The following TMTC2 variants were observed in gnomAD, a reference collection of about 807,000 sequenced individuals.
The protein encoded by TMTC2 is transmembrane O-mannosyltransferase targeting cadherins 2.
TMTC2 carries 43 observed loss-of-function variants against 82.4 expected under a neutral mutation model. The observed-to-expected ratio is 0.52, with a 90% confidence interval of 0.41 to 0.67. The LOEUF (loss-of-function observed/expected upper bound fraction) is 0.67. Among genes scored for constraint, TMTC2 ranks in the 30% least tolerant of loss-of-function variants. The probability of loss-of-function intolerance (pLI) is 0.00; values close to 1 mark genes in which losing one functional copy is unlikely to be tolerated. For missense variants in TMTC2, 919 were observed against 1,012.4 expected (o/e 0.91, Z 1.25); for synonymous variants, 408 against 381.9 (o/e 1.07, Z -0.80).
At chr12:83,100,750 T>A (rs1053072014) in intron 11 of TMTC2, among the ~76,000 whole-genome samples, 2 of 152,224 alleles carry the variant, frequency 1.3e-5, no homozygotes, top group Admixed American at 6.5e-5. Flanking sequence ...TTCTCTGTTT[T>A]ACTTATCTGA....
At chr12:83,117,546 T>C (rs1884801241) in intron 11 of TMTC2, among the ~76,000 whole-genome samples, 1 of 152,224 alleles carries the variant, frequency 6.6e-6, no homozygotes, top group African/African-American at 2.4e-5. Context: ...CACACTATTT[T>C]GGTGACTATG....
At chr12:82,734,824 G>C (rs1350793672) in intron 1 of TMTC2, among the ~76,000 whole-genome samples, 1 of 152,138 alleles carries the variant, frequency 6.6e-6, no homozygotes, top group Non-Finnish European at 1.5e-5. Context: ...AACTTGTGTT[G>C]GGGCCAAGTC....
chr12:82,958,686 A>G (rs530676725), intron 4 of TMTC2, among the ~76,000 whole-genome samples: 1 of 152,234 alleles, frequency 6.6e-6, no homozygotes, highest in African/African-American at 2.4e-5. Context: ...AAACCTCAAC[A>G]TATTAAGAGC....
At chr12:82,875,491 G>A (rs2707749) in intron 2 of TMTC2, among the ~76,000 whole-genome samples, 8,892 of 152,094 alleles carry the variant, frequency 0.058, 873 homozygotes, top group African/African-American at 0.2. Flanking sequence ...TATTGTATCA[G>A]GTATACTAGT....
intron 8 of TMTC2, among the ~76,000 whole-genome samples, chr12:82,993,108 C>T (rs1879467982): frequency 6.6e-6 from 1 of 152,094 alleles, no homozygotes; most frequent in South Asian, 2.1e-4. Context: ...CCTCAGCCTC[C>T]CGAATACCTG....
intron 1 of TMTC2, among the ~76,000 whole-genome samples, chr12:82,831,727 C>T (rs897524080): frequency 2.0e-5 from 3 of 151,966 alleles, no homozygotes; most frequent in African/African-American, 7.3e-5. Flanking sequence ...AATCTCAATC[C>T]TTTAATTTTT....
intron 11 of TMTC2, among the ~76,000 whole-genome samples, chr12:83,101,167 A>G (rs867965142): frequency 9.2e-5 from 14 of 152,196 alleles, no homozygotes; most frequent in African/African-American, 3.4e-4. Flanking sequence ...ATTACAATTG[A>G]GCACTTGATG....
intron 8 of TMTC2, among the ~76,000 whole-genome samples, chr12:83,004,840 C>G (rs1880097509): frequency 1.5e-5 from 2 of 134,518 alleles, no homozygotes; most frequent in South Asian, 4.9e-4. Context: ...CTGGCAGGCG[C>G]GAAGCAGGGA....
intron 1 of TMTC2, among the ~76,000 whole-genome samples, chr12:82,828,755 A>T (rs1030000887): frequency 2.0e-5 from 3 of 152,158 alleles, no homozygotes; most frequent in Non-Finnish European, 4.4e-5. Context: ...AAATTGGGTC[A>T]TGCACAGCAC....
chr12:82,875,170 T>C lies in TMTC2; in HGVS notation c.654+17590T>C, dbSNP rs368180907. Among the ~76,000 whole-genome samples, 88 of 152,324 alleles carry C rather than the reference T, an allele frequency of 5.8e-4. 2 individuals carry two copies. The South Asian group carries it at 0.018, about 31-fold the overall frequency. On this transcript the variant is annotated intron_variant, in intron 2 of 11. Coordinates refer to ENST00000321196, the MANE Select transcript of TMTC2 (RefSeq NM_152588.3). Reference sequence around the variant, plus strand: ...TAAGAACTTACTTGCTAAACTCATATGTATGAGTAATTCAGGCTCTCCAAA... The same window carrying C: ...TAAGAACTTACTTGCTAAACTCATACGTATGAGTAATTCAGGCTCTCCAAA...
rs140905379 is a variant in TMTC2 at position 82,819,871 on chromosome 12, A to G, written c.84-37139A>G. On this transcript the variant is annotated intron_variant, in intron 1 of 11. Coordinates refer to ENST00000321196, the MANE Select transcript of TMTC2 (RefSeq NM_152588.3). ...GACAGAACTAATAGGATAGATGTGTATATAAAGGAGAGTTTATTAAGGAGT... is the reference window on the plus strand; with the variant it reads ...GACAGAACTAATAGGATAGATGTGTGTATAAAGGAGAGTTTATTAAGGAGT... Among the ~76,000 whole-genome samples the G allele has an allele frequency of 6.1e-3, 923 of 152,244 alleles. 12 individuals carry two copies. Among genetic ancestry groups the G allele is most frequent in the African/African-American group, 0.021 (880 of 41,530 alleles).
intron 3 of TMTC2, among the ~76,000 whole-genome samples, chr12:82,904,887 G>T (rs1207072010): frequency 6.6e-6 from 1 of 151,520 alleles, no homozygotes; most frequent in Non-Finnish European, 1.5e-5. Context: ...GCCACTGCTT[G>T]GTTTTGACTA....
At chr12:83,121,821 T>C (rs1884956839) in intron 11 of TMTC2, among the ~76,000 whole-genome samples, 2 of 152,088 alleles carry the variant, frequency 1.3e-5, no homozygotes, top group Admixed American at 1.3e-4. Context: ...TGGGCAGGTA[T>C]TGCTGCGACT....
intron 2 of TMTC2, among the ~76,000 whole-genome samples, chr12:82,888,877 A>C (rs1047655943): frequency 1.3e-5 from 2 of 152,202 alleles, no homozygotes; most frequent in Non-Finnish European, 2.9e-5. Context: ...GTTCTCATAA[A>C]ATTAAGGTAA....
intron 1 of TMTC2, among the ~76,000 whole-genome samples, chr12:82,749,739 C>CT (rs71068950): frequency 0.87 from 110,626 of 127,056 alleles, 50,326 homozygotes; most frequent in East Asian, 0.99. Flanking sequence ...TTCTTTCTTT[C>CT]TTTTTTTTTT....
At chr12:83,055,761 G>A (rs1863086548) in intron 10 of TMTC2, among the ~76,000 whole-genome samples, 1 of 151,242 alleles carries the variant, frequency 6.6e-6, no homozygotes, top group South Asian at 2.1e-4. Flanking sequence ...CTACTTACAG[G>A]GTAAGGGATA....
chr12:82,873,127 A>G (rs1231278518), intron 2 of TMTC2, among the ~76,000 whole-genome samples: 1 of 152,102 alleles, frequency 6.6e-6, no homozygotes, highest in Non-Finnish European at 1.5e-5. Flanking sequence ...AGTGTATTCA[A>G]AGAACTTTTA....
At chr12:82,916,965 GT>G (rs1875037569) in intron 3 of TMTC2, among the ~76,000 whole-genome samples, 1 of 152,060 alleles carries the variant, frequency 6.6e-6, no homozygotes, top group South Asian at 2.1e-4. Context: ...AACTATATCT[GT>G]TTTATTTACC....
intron 1 of TMTC2, among the ~76,000 whole-genome samples, chr12:82,725,017 TATTA>T (rs368402824): frequency 1.2e-3 from 190 of 152,322 alleles, no homozygotes; most frequent in African/African-American, 4.4e-3. Context: ...GAGCTTGTCC[TATTA>T]ATTATCCAAA....
Sources: allele counts gnomAD v4.1 joint callset (sites outside exome capture counted in the v4.1 genomes callset), GRCh38; gene constraint gnomAD v4.1.1; transcripts MANE v1.5; gene names NCBI Gene and HGNC (gene_info 2026-07-23, HGNC 2026-07-21).